CSMD3: variants seen among roughly 807,000 people sequenced by gnomAD.
CSMD3 encodes the protein CUB and Sushi multiple domains 3, also known as CUB and sushi domain-containing protein 3.
A neutral mutation model predicts 435.2 loss-of-function variants in CSMD3; 177 were observed. That is an observed-to-expected ratio of 0.41 (90% CI 0.36 to 0.46). The LOEUF is 0.46. Ranked by LOEUF, CSMD3 falls within the 20% of genes least tolerant of loss-of-function variation. CSMD3 has a pLI of 0.34. For missense variants in CSMD3, 4,265 were observed against 4,504.6 expected (o/e 0.95, Z 1.52); for synonymous variants, 1,656 against 1,520.5 (o/e 1.09, Z -2.07).
At chr8:112,284,152 A>G (rs2130608412) in intron 58 of CSMD3, among the ~76,000 whole-genome samples, 1 of 151,886 alleles carries the variant, frequency 6.6e-6, no homozygotes. Flanking sequence ...TTGTGTTCAC[A>G]CCTCCTATGT....
At chr8:113,311,679 A>G (rs1014959665) in intron 2 of CSMD3, 8 of 152,152 alleles carry the variant, frequency 5.3e-5, no homozygotes, top group African/African-American at 1.9e-4. Flanking sequence ...ATCAAACAGC[A>G]GATTTTGTAT....
At chr8:112,243,034 C>A (rs1233345497) in intron 65 of CSMD3, among the ~76,000 whole-genome samples, 4 of 151,916 alleles carry the variant, frequency 2.6e-5, no homozygotes, top group Non-Finnish European at 5.9e-5. Context: ...ACTCATTCAA[C>A]AAATATTTAT....
At chr8:112,781,606 C>T (rs987259945) in intron 13 of CSMD3, among the ~76,000 whole-genome samples, 32 of 152,178 alleles carry the variant, frequency 2.1e-4, no homozygotes, top group African/African-American at 7.7e-4. Context: ...GCAATAGTTG[C>T]CACAGGCCTT....
At chr8:112,602,198 T>C (rs901121301) in intron 22 of CSMD3, among the ~76,000 whole-genome samples, 2 of 152,142 alleles carry the variant, frequency 1.3e-5, no homozygotes, top group African/African-American at 4.8e-5. Flanking sequence ...AACAAAACTT[T>C]TAAAAGATTT....
intron 32 of CSMD3, among the ~76,000 whole-genome samples, chr8:112,463,540 G>C (rs1287676928): frequency 6.6e-6 from 1 of 152,102 alleles, no homozygotes; most frequent in East Asian, 1.9e-4. Flanking sequence ...GCTGCTTTGT[G>C]CTGCATTTTC....
intron 31 of CSMD3, among the ~76,000 whole-genome samples, chr8:112,484,422 C>G (rs887345571): frequency 6.6e-6 from 1 of 151,944 alleles, no homozygotes; most frequent in Non-Finnish European, 1.5e-5. Flanking sequence ...GCCATGACTA[C>G]TAACAGTTAC....
chr8:112,496,496 T>C (rs1159094440), intron 30 of CSMD3, among the ~76,000 whole-genome samples: 3 of 152,094 alleles, frequency 2.0e-5, no homozygotes, highest in African/African-American at 4.8e-5. Flanking sequence ...CGAAGAGATA[T>C]CTGCACTCTC....
At chr8:113,327,006 T>G (rs577421363) in intron 1 of CSMD3, among the ~76,000 whole-genome samples, 1 of 152,214 alleles carries the variant, frequency 6.6e-6, no homozygotes, top group East Asian at 1.9e-4. Flanking sequence ...AAGAATATAA[T>G]GAATTATGTC....
chr8:112,321,606 G>A (rs1823001896), intron 45 of CSMD3, among the ~76,000 whole-genome samples: 2 of 152,026 alleles, frequency 1.3e-5, no homozygotes, highest in South Asian at 4.1e-4. Flanking sequence ...AAACATTCAG[G>A]TTACTAAGGA....
chr8:112,336,276 G>A (rs545622965), intron 44 of CSMD3, among the ~76,000 whole-genome samples: 6 of 152,262 alleles, frequency 3.9e-5, no homozygotes, highest in African/African-American at 1.4e-4. Context: ...TTTTATGGCA[G>A]AAATCCACTA....
chr8:113,187,718 C>A (rs910401533), intron 3 of CSMD3, among the ~76,000 whole-genome samples: 8 of 151,892 alleles, frequency 5.3e-5, no homozygotes, highest in Non-Finnish European at 1.0e-4. Flanking sequence ...TATTCAATCA[C>A]CCCACCTAAT....
chr8:112,545,280 G>A (rs1349548225), intron 27 of CSMD3, among the ~76,000 whole-genome samples: 2 of 151,726 alleles, frequency 1.3e-5, no homozygotes, highest in African/African-American at 2.4e-5. Context: ...TCAGGAGATC[G>A]AGACCATCTT....
At chr8:113,301,144 T>G (rs1235903614) in intron 2 of CSMD3, among the ~76,000 whole-genome samples, 3 of 152,000 alleles carry the variant, frequency 2.0e-5, no homozygotes, top group African/African-American at 7.3e-5. Context: ...GAGGTGCTTG[T>G]TACTGGTAGG....
At chr8:112,250,736 T>C (rs1815185033) in intron 63 of CSMD3, among the ~76,000 whole-genome samples, 1 of 151,800 alleles carries the variant, frequency 6.6e-6, no homozygotes, top group Non-Finnish European at 1.5e-5. Context: ...TATCAAACAT[T>C]GCAATAATTA....
intron 24 of CSMD3, among the ~76,000 whole-genome samples, chr8:112,561,301 T>C (rs1828602202): frequency 1.3e-5 from 2 of 151,676 alleles, no homozygotes; most frequent in Non-Finnish European, 3.0e-5. Context: ...TGAAATTTTA[T>C]ACGCTGGTGA....
chr8:112,537,121 T>A (rs577884169), intron 27 of CSMD3, among the ~76,000 whole-genome samples: 10 of 151,942 alleles, frequency 6.6e-5, no homozygotes, highest in African/African-American at 1.9e-4. Flanking sequence ...TATACATACG[T>A]AACTAACCTG....
At chr8:112,336,057 C>T (rs62514407) in intron 44 of CSMD3, among the ~76,000 whole-genome samples, 28,613 of 151,846 alleles carry the variant, frequency 0.19, 3,104 homozygotes, top group Middle Eastern at 0.34. Context: ...GGACCACAGG[C>T]GCATGCCACC....
At chr8:112,904,927 T>C (rs562616951) in intron 10 of CSMD3, among the ~76,000 whole-genome samples, 2 of 151,564 alleles carry the variant, frequency 1.3e-5, no homozygotes, top group African/African-American at 4.8e-5. Flanking sequence ...AAGTTGAGTC[T>C]GGATGCCTGG....
chr8:112,272,705 T>C (rs1307650441), intron 59 of CSMD3, among the ~76,000 whole-genome samples: 1 of 152,160 alleles, frequency 6.6e-6, no homozygotes, highest in African/African-American at 2.4e-5. Flanking sequence ...AATCATATAT[T>C]TAAATTTATG....
Sources: gnomAD v4.1 joint callset for allele counts (sites outside exome capture counted in the v4.1 genomes callset) on GRCh38, gnomAD v4.1.1 for gene constraint, MANE v1.5 for transcripts, NCBI Gene and HGNC (gene_info 2026-07-23, HGNC 2026-07-21) for gene names.